The following PLCH1 variants were observed in gnomAD, a reference collection of about 807,000 sequenced individuals.
The protein encoded by PLCH1 is phospholipase C eta 1, also known as 1-phosphatidylinositol 4,5-bisphosphate phosphodiesterase eta-1.
Under a neutral mutation model 126.7 loss-of-function variants are expected in PLCH1, and 60 were observed. The ratio of observed to expected loss-of-function variants is 0.47; its 90% CI spans 0.38 to 0.59. The LOEUF is 0.59. Among genes scored for constraint, PLCH1 ranks in the 20% least tolerant of loss-of-function variants. PLCH1 has a pLI of 0.00. For synonymous variants in PLCH1, 719 were observed against 734.9 expected, an observed-to-expected ratio of 0.98 and a Z score of 0.35; for missense variants, 1,723 against 2,040.0, an observed-to-expected ratio of 0.84 and a Z score of 2.99.
chr3:155,673,599 A>G (rs1425075013), intron 2 of PLCH1, among the ~76,000 whole-genome samples: 2 of 152,208 alleles, frequency 1.3e-5, no homozygotes, highest in East Asian at 1.9e-4. Flanking sequence ...TACAGCTCTC[A>G]TGATCTGGGA....
intron 2 of PLCH1, among the ~76,000 whole-genome samples, chr3:155,642,250 C>T (rs1370805171): frequency 1.3e-5 from 2 of 152,210 alleles, no homozygotes; most frequent in Non-Finnish European, 1.5e-5. Flanking sequence ...CATCCACATT[C>T]TGAACTACTT....
At chr3:155,719,856 C>T (rs144822728) in intron 1 of PLCH1, among the ~76,000 whole-genome samples, 3 of 151,754 alleles carry the variant, frequency 2.0e-5, no homozygotes, top group East Asian at 1.9e-4. Context: ...AGTGCAGTGG[C>T]GCAATCTTGG....
intron 2 of PLCH1, among the ~76,000 whole-genome samples, chr3:155,629,272 A>G (rs1008795743): frequency 2.6e-5 from 4 of 152,336 alleles, no homozygotes. Context: ...ACAGCAGGAC[A>G]ATAAAACTGC....
intron 2 of PLCH1, among the ~76,000 whole-genome samples, chr3:155,616,059 G>A (rs1735762769): frequency 6.6e-6 from 1 of 152,076 alleles, no homozygotes; most frequent in Non-Finnish European, 1.5e-5. Context: ...TCTAGGTAAG[G>A]CCTAGAGACA....
intron 2 of PLCH1, among the ~76,000 whole-genome samples, chr3:155,644,900 T>C (rs1267970931): frequency 6.6e-6 from 1 of 152,168 alleles, no homozygotes; most frequent in African/African-American, 2.4e-5. Flanking sequence ...CCTGTAAATG[T>C]TCCTGTCTGA....
chr3:155,710,293 G>A (rs1410852771), intron 1 of PLCH1, among the ~76,000 whole-genome samples: 1 of 152,224 alleles, frequency 6.6e-6, no homozygotes, highest in South Asian at 2.1e-4. Flanking sequence ...CCCGGCCTAA[G>A]TTTTAAGAGT....
At chr3:155,542,414 T>C (rs1433965359) in intron 10 of PLCH1, among the ~76,000 whole-genome samples, 1 of 152,148 alleles carries the variant, frequency 6.6e-6, no homozygotes, top group Admixed American at 6.5e-5. Flanking sequence ...CACCACAGCT[T>C]AAGAAGGCCT....
Position 155,486,320 on chromosome 3 carries a change from GT to G in PLCH1, c.2620-611del. ...ACATGTCTATAAACCCTTTCTCTTA[GT>G]TTTGGGGATTTTTAGTCTTATGCTC... is the stretch of plus-strand genomic sequence containing the variant. On this transcript the variant is annotated intron_variant, in intron 21 of 22. Coordinates refer to ENST00000460012, the MANE Select transcript of PLCH1 (RefSeq NM_014996.4). 3 of 652,182 alleles carry G rather than the reference GT, an allele frequency of 4.6e-6. No individual in the cohort carries two copies. The East Asian group carries it at 8.4e-5, about 18-fold the overall frequency. The allele number at this position is 652,182 out of a possible 1,614,324, so 40.4% of individuals were successfully genotyped here.
At chr3:155,521,289 T>C (rs1401290470) in intron 11 of PLCH1, among the ~76,000 whole-genome samples, 1 of 152,224 alleles carries the variant, frequency 6.6e-6, no homozygotes, top group Non-Finnish European at 1.5e-5. Flanking sequence ...TCTTCTCCCA[T>C]TGATGTGTAA....
chr3:155,648,933 G>A (rs1301169090), intron 2 of PLCH1, among the ~76,000 whole-genome samples: 1 of 152,222 alleles, frequency 6.6e-6, no homozygotes, highest in Non-Finnish European at 1.5e-5. Flanking sequence ...AATGCCCAGG[G>A]AGGGGAGGCA....
At chr3:155,452,738 G>A (rs1383054025) in intron 21 of PLCH1, among the ~76,000 whole-genome samples, 1 of 152,042 alleles carries the variant, frequency 6.6e-6, no homozygotes, top group African/African-American at 2.4e-5. Context: ...ATGTCAATGG[G>A]CAAAATGATG....
At chr3:155,734,705 T>G (rs958876751) in intron 1 of PLCH1, among the ~76,000 whole-genome samples, 102 of 150,820 alleles carry the variant, frequency 6.8e-4, no homozygotes, top group African/African-American at 2.4e-3. Flanking sequence ...CATTCTTTTC[T>G]TTTTCTTTTT....
intron 21 of PLCH1, among the ~76,000 whole-genome samples, chr3:155,453,793 T>C (rs1560025859): frequency 6.6e-6 from 1 of 151,312 alleles, no homozygotes; most frequent in Non-Finnish European, 1.5e-5. Flanking sequence ...TAATAAATTA[T>C]AAATATGTAT....
At chr3:155,743,633 A>C (rs1243315063) in intron 1 of PLCH1, 2 of 405,470 alleles carry the variant, frequency 4.9e-6, no homozygotes, top group Non-Finnish European at 9.5e-6. Context: ...CCCAAAGGTG[A>C]CCAAAACGCT....
intron 11 of PLCH1, among the ~76,000 whole-genome samples, chr3:155,523,257 T>C (rs1161692757): frequency 6.6e-6 from 1 of 152,072 alleles, no homozygotes. Context: ...ATTACAGGCG[T>C]GAGCCACCGC....
At chr3:155,678,493 C>T (rs751946532) in intron 2 of PLCH1, among the ~76,000 whole-genome samples, 2 of 152,214 alleles carry the variant, frequency 1.3e-5, no homozygotes, top group Non-Finnish European at 2.9e-5. Context: ...ATATCCAATT[C>T]TTCAGCAGTA....
chr3:155,744,295 A>G (rs912521587), intron 1 of PLCH1, among the ~76,000 whole-genome samples: 1 of 152,164 alleles, frequency 6.6e-6, no homozygotes, highest in Non-Finnish European at 1.5e-5. Flanking sequence ...GGTTCTTCCC[A>G]GGAAAGGGCA....
Position 155,631,048 on chromosome 3 carries a change from G to C in PLCH1, c.80-34670C>G, listed in dbSNP as rs536439994. Reference sequence around the variant, plus strand: ...GAAAAATTTATTATTCTTAAAAGTTGTTTATCTAACCCTAAAATTCTGATC... The same window carrying C: ...GAAAAATTTATTATTCTTAAAAGTTCTTTATCTAACCCTAAAATTCTGATC... On this transcript the variant is annotated intron_variant, in intron 2 of 22. Coordinates refer to ENST00000460012, the MANE Select transcript of PLCH1 (RefSeq NM_014996.4). 1.2e-3 allele frequency among the ~76,000 whole-genome samples: 188 copies of C among 152,066 alleles called. 2 individuals are homozygous for C. The highest frequency in any genetic ancestry group is 2.1e-3 in the Non-Finnish European group (146 of 67,978).
intron 2 of PLCH1, 52 bp from the exon 3 acceptor site, chr3:155,596,430 T>A: frequency 6.7e-7 from 1 of 1,501,394 alleles, no homozygotes; most frequent in Non-Finnish European, 9.1e-7. Flanking sequence ...ACAGGCATAC[T>A]GGTGTCCAGG....
Sources: allele counts gnomAD v4.1 joint callset (sites outside exome capture counted in the v4.1 genomes callset), GRCh38; gene constraint gnomAD v4.1.1; transcripts MANE v1.5; gene names NCBI Gene and HGNC (gene_info 2026-07-23, HGNC 2026-07-21).